Variants in COL15A1 observed in about 807,000 individuals in gnomAD.
The protein encoded by COL15A1 is collagen alpha-1(XV) chain.
Under a neutral mutation model 165.9 loss-of-function variants are expected in COL15A1, and 111 were observed. The observed-to-expected ratio is 0.67, with a 90% CI of 0.57 to 0.78. The LOEUF is 0.78. COL15A1 is among the 30% of genes least tolerant of loss of function. The pLI is 0.00. For missense variants in COL15A1, 1,745 were observed against 1,789.7 expected, an observed-to-expected ratio of 0.98 and a Z score of 0.45; for synonymous variants, 659 against 674.8, an observed-to-expected ratio of 0.98 and a Z score of 0.36.
At chr9:99,052,135 T>A (rs1323295373) in intron 30 of COL15A1, among the ~76,000 whole-genome samples, 1 of 152,102 alleles carries the variant, frequency 6.6e-6, no homozygotes, top group East Asian at 1.9e-4. Context: ...TATGGCTGAG[T>A]TTTTTGGCCA....
intron 24 of COL15A1, 39 bp from the exon 25 acceptor site, chr9:99,044,529 A>C: frequency 6.3e-7 from 1 of 1,599,200 alleles, no homozygotes; most frequent in Non-Finnish European, 8.6e-7. Flanking sequence ...GGTGGCAAGG[A>C]GGAGTCCTGA....
chr9:98,969,468 G>C (rs934678724), intron 2 of COL15A1, among the ~76,000 whole-genome samples: 5 of 152,192 alleles, frequency 3.3e-5, no homozygotes, highest in Admixed American at 1.3e-4. Flanking sequence ...CCTAATACCA[G>C]GTTGCTCAGA....
In COL15A1 at chr9:98,985,990, C is replaced by T. The variant is rs1303476442; in HGVS notation, c.526C>T (p.Leu176Phe). 6.2e-7 allele frequency: 1 copy of T among 1,614,046 alleles called. No homozygotes were observed. The highest frequency in any genetic ancestry group is 8.5e-7 in the Non-Finnish European group (1 of 1,180,042). Reference sequence around the variant, plus strand: ...TGTCCAGGGTGAGGAAGTGACCCTCCTCGTGAACTGTGAGGAGCACAGCCG... The same window carrying T: ...TGTCCAGGGTGAGGAAGTGACCCTCTTCGTGAACTGTGAGGAGCACAGCCG... ...MIVQGEEVTLLVNCEEHSRIP... is the reference protein window; with the variant it reads ...MIVQGEEVTLFVNCEEHSRIP... The change falls in exon 3 of 42, where the codon CTC becomes TTC. Residue 176 changes from leucine to phenylalanine, a missense_variant. Coordinates refer to ENST00000375001, the MANE Select transcript of COL15A1 (RefSeq NM_001855.5).
intron 2 of COL15A1, among the ~76,000 whole-genome samples, chr9:98,978,398 G>A (rs897642516): frequency 3.3e-5 from 5 of 152,168 alleles, no homozygotes; most frequent in South Asian, 2.1e-4. Context: ...AAGCTCTGGT[G>A]CTTTTACTCT....
intron 28 of COL15A1, among the ~76,000 whole-genome samples, chr9:99,048,455 G>A (rs1839530490): frequency 6.6e-6 from 1 of 152,154 alleles, no homozygotes; most frequent in African/African-American, 2.4e-5. Context: ...CAGGGACCCT[G>A]GTCTAGAAGA....
chr9:99,052,366 C>A, intron 30 of COL15A1, 22 bp from the exon 31 acceptor site: 1 of 1,604,626 alleles, frequency 6.2e-7, no homozygotes, highest in African/African-American at 1.3e-5. Context: ...CAGTGCCTAA[C>A]CTGGCCTTCC....
chr9:99,067,047 C>A lies in COL15A1; in HGVS notation c.3817C>A (p.Leu1273Ile), dbSNP rs1328930196. ...TGTGAGGAAAGCAGAGAGATACAGC[C>A]TTCCCATAGTGAACCTCAAGGTAAA... ...TIVRKAERYS[L>I]PIVNLKGQVL... Residue 1273 changes from leucine (L) to isoleucine (I), a missense_variant, in exon 40 of 42, where the codon CTT (leucine) becomes ATT (isoleucine). Physicochemically the swap from Leu to Ile is conservative, Grantham distance 5. Transcript: ENST00000375001. 2 of 1,613,644 alleles carry A rather than the reference C, an allele frequency of 1.2e-6. No individual in the cohort carries two copies. The highest frequency in any genetic ancestry group is 1.7e-6 in the Non-Finnish European group (2 of 1,179,816).
chr9:98,987,074 C>T (rs959805593), intron 3 of COL15A1, among the ~76,000 whole-genome samples: 1 of 152,182 alleles, frequency 6.6e-6, no homozygotes, highest in Admixed American at 6.5e-5. Context: ...AAGGGCCTCT[C>T]TGGCCCAGGG....
intron 36 of COL15A1, among the ~76,000 whole-genome samples, chr9:99,060,768 T>A (rs1489186442): frequency 6.6e-6 from 1 of 152,030 alleles, no homozygotes; most frequent in East Asian, 1.9e-4. Flanking sequence ...ATATCTGTAG[T>A]CCCAGCTACT....
intron 9 of COL15A1, 106 bp downstream of exon 9, chr9:99,005,156 C>T (rs1262868781): frequency 2.9e-5 from 35 of 1,193,802 alleles, no homozygotes; most frequent in Middle Eastern, 2.9e-4. Flanking sequence ...GCCTGAGGCA[C>T]GGGGATCTCT....
intron 14 of COL15A1, 116 bp downstream of exon 14, chr9:99,023,565 C>T (rs533858281): frequency 1.1e-4 from 66 of 605,894 alleles, no homozygotes; most frequent in African/African-American, 4.2e-4. Context: ...CTGGGGTTGC[C>T]GGCAGTGAGC....
intron 31 of COL15A1, among the ~76,000 whole-genome samples, chr9:99,053,256 C>A (rs1261731190): frequency 6.6e-6 from 1 of 152,198 alleles, no homozygotes; most frequent in Non-Finnish European, 1.5e-5. Flanking sequence ...GGCTGTGTCA[C>A]CCCGGCCCAC....
intron 6 of COL15A1, among the ~76,000 whole-genome samples, chr9:98,999,096 C>G (rs1838602063): frequency 6.6e-6 from 1 of 152,228 alleles, no homozygotes; most frequent in Non-Finnish European, 1.5e-5. Flanking sequence ...GCTGGCCACT[C>G]TTCCATCACA....
In COL15A1 at chr9:99,025,927, T is replaced by C. The variant is rs758748658; in HGVS notation, c.2004T>C (p.Val668=). 7 of 1,612,928 alleles carry C rather than the reference T, an allele frequency of 4.3e-6. No homozygotes were observed. In the African/African-American group the frequency reaches 6.7e-5, roughly 15 times the overall value. The change falls in exon 16 of 42, where the codon GTT becomes GTC. Residue 668 remains valine, a synonymous_variant. Coordinates refer to ENST00000375001, the MANE Select transcript of COL15A1 (RefSeq NM_001855.5). ...AGGGCCCTGAGGGACAGCCTGGAGT[T>C]GATGGAGCCACCGGCCTTCCCGGGA... ...GPPGPEGQPG[V]DGATGLPGMK...
chr9:98,965,497 C>A (rs1281406887), intron 2 of COL15A1, among the ~76,000 whole-genome samples: 3 of 152,180 alleles, frequency 2.0e-5, no homozygotes, highest in Non-Finnish European at 4.4e-5. Flanking sequence ...CAGGGTTGGC[C>A]TGTTGTGAGA....
intron 2 of COL15A1, among the ~76,000 whole-genome samples, chr9:98,970,195 C>T (rs1359964417): frequency 1.3e-5 from 2 of 152,238 alleles, no homozygotes; most frequent in Admixed American, 6.5e-5. Context: ...ACAAAACAAA[C>T]ATTTATTGAG....
At chr9:98,976,817 A>G (rs1265608219) in intron 2 of COL15A1, among the ~76,000 whole-genome samples, 6 of 152,192 alleles carry the variant, frequency 3.9e-5, no homozygotes. Context: ...ATATAATGCC[A>G]TATATGCTAC....
At chr9:98,958,285 T>A (rs2118786450) in intron 2 of COL15A1, among the ~76,000 whole-genome samples, 1 of 152,320 alleles carries the variant, frequency 6.6e-6, no homozygotes, top group East Asian at 1.9e-4. Flanking sequence ...GATATCTGAG[T>A]TCAGTTTGGC....
chr9:99,002,288 G>A (rs1838672532), intron 7 of COL15A1, among the ~76,000 whole-genome samples: 1 of 150,518 alleles, frequency 6.6e-6, no homozygotes, highest in Non-Finnish European at 1.5e-5. Flanking sequence ...TGAATCTAAA[G>A]GGCTCCCTCC....
Sources: gnomAD v4.1 joint callset for allele counts (sites outside exome capture counted in the v4.1 genomes callset) on GRCh38, gnomAD v4.1.1 for gene constraint, MANE v1.5 for transcripts, NCBI Gene and HGNC (gene_info 2026-07-23, HGNC 2026-07-21) for gene names.